Variants in TRDN observed in about 807,000 individuals in gnomAD.
TRDN encodes the protein triadin in skeletal muscle.
TRDN carries 161 observed loss-of-function variants against 149.7 expected under a neutral mutation model. That is an observed-to-expected ratio of 1.08 (90% CI 0.95 to 1.23). The LOEUF (loss-of-function observed/expected upper bound fraction) is 1.23, where lower values mean the gene tolerates loss of function less well. Among genes scored for constraint, TRDN ranks in the 50% most tolerant of loss-of-function variants. TRDN has a pLI of 0.00. For synonymous variants in TRDN, 294 were observed against 250.5 expected (o/e 1.17, Z -1.64); for missense variants, 896 against 823.5 (o/e 1.09, Z -1.08).
intron 5 of TRDN, chr6:123,529,396 A>G (rs1178178599): frequency 6.6e-7 from 1 of 1,522,108 alleles, no homozygotes. Flanking sequence ...AGTGAGCTTC[A>G]ATGTTCTGAT....
Position 123,636,864 on chromosome 6 carries a change from G to T in TRDN, c.-89C>A. ...TGGGGATTTGAGAACTCTGGTGGAG[G>T]GTTCTGTGTCAAAACCTGGGGGCTC... On this transcript the variant is annotated 5_prime_UTR_variant, in exon 1 of 41. Transcript: ENST00000334268. The T allele has an allele frequency of 6.7e-7, 1 of 1,500,794 alleles. No individual in the cohort carries two copies. Among genetic ancestry groups the T allele is most frequent in the Non-Finnish European group, 9.3e-7 (1 of 1,080,458 alleles). The allele number at this position is 1,500,794 out of a possible 1,614,324, so 93.0% of individuals were successfully genotyped here.
At chr6:123,406,816 AC>A (rs1342242879) in intron 12 of TRDN, among the ~76,000 whole-genome samples, 1 of 152,334 alleles carries the variant, frequency 6.6e-6, no homozygotes, top group Non-Finnish European at 1.5e-5. Flanking sequence ...AGGAAGTCCA[AC>A]ATAGAAGGGT....
At chr6:123,285,764 G>A (rs1386904660) in intron 24 of TRDN, among the ~76,000 whole-genome samples, 1 of 152,090 alleles carries the variant, frequency 6.6e-6, no homozygotes, top group Non-Finnish European at 1.5e-5. Context: ...TACAGAGTGG[G>A]AGAAAATCTT....
chr6:123,553,415 T>A (rs985202563), intron 2 of TRDN, among the ~76,000 whole-genome samples: 7 of 151,676 alleles, frequency 4.6e-5, no homozygotes, highest in African/African-American at 1.5e-4. Context: ...TCTGATCCAC[T>A]CCACAGGAAG....
chr6:123,238,687 A>T lies in TRDN; in HGVS notation c.1975+13725T>A, dbSNP rs117771942. On this transcript the variant is annotated intron_variant, in intron 38 of 40. Transcript: ENST00000334268. Reference sequence around the variant, plus strand: ...TACAACGTAAAATAAAATTTAGCTCAATATTGTTTGATAGACACATATATA... The same window carrying T: ...TACAACGTAAAATAAAATTTAGCTCTATATTGTTTGATAGACACATATATA... 4.0e-3 allele frequency among the ~76,000 whole-genome samples: 611 copies of T among 152,290 alleles called. 3 individuals are homozygous for T. The highest frequency in any genetic ancestry group is 6.9e-3 in the Admixed American group (106 of 15,280).
intron 12 of TRDN, among the ~76,000 whole-genome samples, chr6:123,407,587 G>T (rs1163956439): frequency 6.6e-6 from 1 of 151,964 alleles, no homozygotes; most frequent in Non-Finnish European, 1.5e-5. Flanking sequence ...ATTCCCATAT[G>T]CATCTTGTTT....
At chr6:123,251,461 T>C (rs1470197264) in intron 38 of TRDN, among the ~76,000 whole-genome samples, 2 of 152,036 alleles carry the variant, frequency 1.3e-5, no homozygotes, top group Non-Finnish European at 2.9e-5. Flanking sequence ...ATTGATTATA[T>C]ATTGAAATAA....
chr6:123,568,023 T>G (rs929285986), intron 2 of TRDN, among the ~76,000 whole-genome samples: 1 of 152,180 alleles, frequency 6.6e-6, no homozygotes, highest in African/African-American at 2.4e-5. Context: ...AAGAAGTTAT[T>G]TACTTCCAAG....
intron 18 of TRDN, among the ~76,000 whole-genome samples, chr6:123,376,154 T>C (rs1458563348): frequency 6.6e-6 from 1 of 152,160 alleles, no homozygotes; most frequent in Non-Finnish European, 1.5e-5. Flanking sequence ...TATTTAACTA[T>C]TAAAACTTTT....
rs544062365 is a variant in TRDN at position 123,312,662 on chromosome 6, G to A, written c.1510+3795C>T. 5.3e-4 allele frequency among the ~76,000 whole-genome samples: 81 copies of A among 152,056 alleles called. No individual in the cohort carries two copies. In the South Asian group the frequency reaches 0.011, roughly 20 times the overall value. On this transcript the variant is annotated intron_variant, in intron 24 of 40. Coordinates refer to ENST00000334268, the MANE Select transcript of TRDN (RefSeq NM_006073.4). ...AACCTAACTACCACATTGTTCAAGA[G>A]TCAACTGTATATTCCTGAATTTCTA...
intron 2 of TRDN, among the ~76,000 whole-genome samples, chr6:123,562,838 T>G (rs187501081): frequency 1.5e-3 from 232 of 152,344 alleles, no homozygotes; most frequent in Admixed American, 3.3e-3. Context: ...TTAAAAGCAC[T>G]TTTGGTGAGC....
intron 39 of TRDN, 96 bp from the exon 40 acceptor site, chr6:123,221,618 A>G (rs775906136): frequency 6.2e-5 from 46 of 741,842 alleles, no homozygotes; most frequent in Non-Finnish European, 8.8e-5. Context: ...GAAGCACACT[A>G]TGAAAGAAAC....
intron 35 of TRDN, among the ~76,000 whole-genome samples, chr6:123,256,637 C>T (rs1482388545): frequency 6.6e-6 from 1 of 150,832 alleles, no homozygotes; most frequent in Non-Finnish European, 1.5e-5. Flanking sequence ...CTGTTCATAT[C>T]CTTCAACCAC....
At chr6:123,431,113 T>G (rs1774321910) in intron 12 of TRDN, among the ~76,000 whole-genome samples, 1 of 152,194 alleles carries the variant, frequency 6.6e-6, no homozygotes, top group Admixed American at 6.5e-5. Context: ...TTCAAAGCCC[T>G]TCGAGCATAG....
rs530878868 is a variant in TRDN, at chr6:123,616,187, C to CA, written c.22+20566dup. 7.8e-4 allele frequency among the ~76,000 whole-genome samples: 119 copies of CA among 151,842 alleles called. 1 individual carries two copies. The highest frequency in any genetic ancestry group is 2.6e-3 in the African/African-American group (108 of 41,428). ...GCAACACAGTAAGATCCTGTCTCTA[C>CA]AAAAAAAATTAGCTGGGTGTCGTGG... is the stretch of plus-strand genomic sequence containing the variant. On this transcript the variant is annotated intron_variant, in intron 1 of 40. Transcript: ENST00000334268.
At chr6:123,466,293 A>C (rs1279686005) in intron 9 of TRDN, among the ~76,000 whole-genome samples, 1 of 152,186 alleles carries the variant, frequency 6.6e-6, no homozygotes, top group Non-Finnish European at 1.5e-5. Context: ...TTCTTTCCCT[A>C]GCTAACAATT....
At chr6:123,402,888 T>C (rs1377412414) in intron 12 of TRDN, among the ~76,000 whole-genome samples, 1 of 152,196 alleles carries the variant, frequency 6.6e-6, no homozygotes, top group Non-Finnish European at 1.5e-5. Flanking sequence ...AAGACAGATT[T>C]TGGACTTGAT....
chr6:123,594,790 G>T (rs946069125), intron 1 of TRDN, among the ~76,000 whole-genome samples: 1 of 151,712 alleles, frequency 6.6e-6, no homozygotes, highest in Non-Finnish European at 1.5e-5. Flanking sequence ...TATTATTTAG[G>T]TAGCATGACT....
At chr6:123,274,944 C>T (rs1777322009) in intron 26 of TRDN, among the ~76,000 whole-genome samples, 1 of 152,148 alleles carries the variant, frequency 6.6e-6, no homozygotes, top group Non-Finnish European at 1.5e-5. Context: ...ATGCTTTGCA[C>T]TTGTCTGTGA....
Sources: allele counts gnomAD v4.1 joint callset (sites outside exome capture counted in the v4.1 genomes callset), GRCh38; gene constraint gnomAD v4.1.1; transcripts MANE v1.5; gene names NCBI Gene and HGNC (gene_info 2026-07-23, HGNC 2026-07-21).